Variants in MECOM observed in about 807,000 individuals in gnomAD.
The protein encoded by MECOM is histone-lysine N-methyltransferase MECOM.
A neutral mutation model predicts 116.3 loss-of-function variants in MECOM; 13 were observed. That is an observed-to-expected ratio of 0.11 (90% CI 0.07 to 0.18). The LOEUF is 0.18. Ranked by LOEUF, MECOM falls within the 10% of genes least tolerant of loss-of-function variation. MECOM has a pLI of 1.00. For missense variants in MECOM, 1,299 were observed against 1,509.0 expected (o/e 0.86, Z 2.31); for synonymous variants, 528 against 535.2 (o/e 0.99, Z 0.19).
intron 1 of MECOM, among the ~76,000 whole-genome samples, chr3:169,621,918 CA>C (rs1770783953): frequency 6.6e-6 from 1 of 152,082 alleles, no homozygotes; most frequent in South Asian, 2.1e-4. Context: ...AGAGGTAAGG[CA>C]AAACCCTATA....
chr3:169,355,488 A>G (rs1434304149), intron 2 of MECOM, among the ~76,000 whole-genome samples: 1 of 151,976 alleles, frequency 6.6e-6, no homozygotes, highest in Non-Finnish European at 1.5e-5. Flanking sequence ...TAAATAGATT[A>G]TAGACAACAG....
intron 2 of MECOM, among the ~76,000 whole-genome samples, chr3:169,341,811 A>G (rs947276769): frequency 6.6e-6 from 1 of 152,060 alleles, no homozygotes; most frequent in Admixed American, 6.6e-5. Flanking sequence ...AATGAACAAT[A>G]ACTTAATTAT....
chr3:169,663,474 GT>G lies in MECOM; in HGVS notation c.-103del, dbSNP rs1776593451. Reference sequence around the variant, plus strand: ...CTCTCGCTCCCTCCCTCTCTCTCCTGTCTCTCTCTCTCTCTCTCTCTCTCTC... The same window carrying G: ...CTCTCGCTCCCTCCCTCTCTCTCCTGCTCTCTCTCTCTCTCTCTCTCTCTC... On this transcript the variant is annotated 5_prime_UTR_variant, in exon 1 of 17. Coordinates refer to ENST00000651503, the MANE Select transcript of MECOM (RefSeq NM_004991.4). 10 of 569,408 alleles carry G rather than the reference GT, an allele frequency of 1.8e-5. No individual in the cohort carries two copies. The highest frequency in any genetic ancestry group is 6.2e-5 in the South Asian group (2 of 32,084). The allele number at this position is 569,408 out of a possible 1,614,324, so 35.3% of individuals were successfully genotyped here. A position where few individuals can be genotyped will look rare whatever the true frequency, so the allele number is the denominator to read the frequency against.
intron 1 of MECOM, among the ~76,000 whole-genome samples, chr3:169,596,649 C>G (rs1335398570): frequency 6.6e-6 from 1 of 151,994 alleles, no homozygotes; most frequent in Admixed American, 6.6e-5. Flanking sequence ...GCTCACCATA[C>G]AGCACAGTAA....
At chr3:169,122,542 G>A (rs1237893862) in intron 6 of MECOM, 38 bp downstream of exon 6, 2 of 1,611,774 alleles carry the variant, frequency 1.2e-6, no homozygotes, top group Non-Finnish European at 1.7e-6. Flanking sequence ...AGAGCAGGAT[G>A]ACATAGAGAG....
At chr3:169,648,958 G>A (rs1774519959) in intron 1 of MECOM, among the ~76,000 whole-genome samples, 1 of 152,196 alleles carries the variant, frequency 6.6e-6, no homozygotes, top group African/African-American at 2.4e-5. Context: ...ACTTGTTCTT[G>A]AACTGTGATG....
intron 1 of MECOM, among the ~76,000 whole-genome samples, chr3:169,542,446 C>T (rs777935344): frequency 6.6e-6 from 1 of 152,120 alleles, no homozygotes; most frequent in Non-Finnish European, 1.5e-5. Flanking sequence ...TTGGCTACAA[C>T]AGGGGACTCT....
chr3:169,598,834 G>A (rs1560478168), intron 1 of MECOM, among the ~76,000 whole-genome samples: 3 of 152,110 alleles, frequency 2.0e-5, no homozygotes, highest in Non-Finnish European at 4.4e-5. Flanking sequence ...TCCAAATGAG[G>A]CCAGAGTGAA....
intron 1 of MECOM, among the ~76,000 whole-genome samples, chr3:169,652,450 C>T (rs1775036368): frequency 6.6e-6 from 1 of 152,014 alleles, no homozygotes; most frequent in Non-Finnish European, 1.5e-5. Flanking sequence ...CCTAAGTGCA[C>T]AAGAAACCAT....
At chr3:169,096,280 T>G (rs146020206) in intron 12 of MECOM, among the ~76,000 whole-genome samples, 138 of 152,050 alleles carry the variant, frequency 9.1e-4, no homozygotes, top group African/African-American at 2.9e-3. Context: ...CTTTTTTTTT[T>G]TTGTTTTTTA....
At chr3:169,200,448 T>A (rs1353980233) in intron 2 of MECOM, among the ~76,000 whole-genome samples, 2 of 152,086 alleles carry the variant, frequency 1.3e-5, no homozygotes, top group African/African-American at 4.8e-5. Context: ...GGAGGTTTTT[T>A]AACAAGATCT....
rs1209569421 is a variant in MECOM at position 169,332,423 on chromosome 3, A to C, written c.375+48764T>G. Among the ~76,000 whole-genome samples the C allele has an allele frequency of 3.3e-5, 5 of 152,208 alleles. 1 individual carries two copies. The highest frequency in any genetic ancestry group is 7.3e-5 in the Non-Finnish European group (5 of 68,036). On this transcript the variant is annotated intron_variant, in intron 2 of 16. Coordinates refer to ENST00000651503, the MANE Select transcript of MECOM (RefSeq NM_004991.4). ...AAGCTTTGAACTGACAGGCAGGCCA[A>C]TGTAAATGAGCCAGAACGAGAGTCA...
rs757991512 is a variant in MECOM, at chr3:169,102,221, T to C, written c.2610A>G (p.Ser870=). ...GCTTTTCTGCCATGTTTTCAATAGC[T>C]GACATCTGAAAGGTAAAAGCACAAG... The part of the protein sequence containing the change: ...FQLPDQRTWM[S]AIENMAEKLE... Residue 870 remains serine (S), a synonymous_variant, in exon 11 of 17, where the codon TCA becomes TCG. Coordinates refer to ENST00000651503, the MANE Select transcript of MECOM (RefSeq NM_004991.4). 1 of 1,612,442 alleles carries C rather than the reference T, an allele frequency of 6.2e-7. No individual in the cohort carries two copies. Among genetic ancestry groups the C allele is most frequent in the Non-Finnish European group, 8.5e-7 (1 of 1,179,026 alleles).
intron 5 of MECOM, among the ~76,000 whole-genome samples, chr3:169,123,752 A>G (rs71306624): frequency 0.15 from 22,163 of 152,080 alleles, 2,176 homozygotes; most frequent in Non-Finnish European, 0.2. Context: ...CAAGCAATTT[A>G]TAGATAATAT....
chr3:169,219,631 C>T lies in MECOM; in HGVS notation c.376-75799G>A, dbSNP rs376012016. On this transcript the variant is annotated intron_variant, in intron 2 of 16. Coordinates refer to ENST00000651503, the MANE Select transcript of MECOM (RefSeq NM_004991.4). ...ATATATACACCACTATATATTTGAGCACACACATGTAGCTACATATGTAGG... is the reference window on the plus strand; with the variant it reads ...ATATATACACCACTATATATTTGAGTACACACATGTAGCTACATATGTAGG... Among the ~76,000 whole-genome samples, 7 of 152,188 alleles carry T rather than the reference C, an allele frequency of 4.6e-5. No homozygotes were observed. The East Asian group carries it at 1.2e-3, about 25-fold the overall frequency.
intron 2 of MECOM, among the ~76,000 whole-genome samples, chr3:169,337,653 A>G (rs1441266480): frequency 6.6e-6 from 1 of 152,176 alleles, no homozygotes; most frequent in Non-Finnish European, 1.5e-5. Context: ...GTCTTCTAGA[A>G]GCCCTCAAAA....
rs1252489054 is a variant in MECOM, at chr3:169,191,721, A to AAGAAAG, written c.376-47890_376-47889insCTTTCT. 2.1e-4 allele frequency among the ~76,000 whole-genome samples: 12 copies of AAGAAAG among 58,280 alleles called. 2 individuals are homozygous for AAGAAAG. Among genetic ancestry groups the AAGAAAG allele is most frequent in the African/African-American group, 6.7e-4 (12 of 17,886 alleles). 38.2% of individuals were successfully genotyped at this position (58,280 alleles called of 152,430 possible). A position where few individuals can be genotyped will look rare whatever the true frequency, so the allele number is the denominator to read the frequency against. On this transcript the variant is annotated intron_variant, in intron 2 of 16. Transcript: ENST00000651503. The stretch of plus-strand genomic sequence containing the variant: ...ATAGAAAAGAAAGAAAGAAAGAAAA[A>AAGAAAG]AAGAAAGAAAGAAAGAAAGAGAAAG...
At chr3:169,514,656 C>A (rs575101009) in intron 1 of MECOM, among the ~76,000 whole-genome samples, 1 of 152,170 alleles carries the variant, frequency 6.6e-6, no homozygotes, top group Non-Finnish European at 1.5e-5. Flanking sequence ...AAAAATGTCT[C>A]TTGCATGCGA....
chr3:169,404,398 AG>A (rs1736338280), intron 1 of MECOM, among the ~76,000 whole-genome samples: 1 of 152,226 alleles, frequency 6.6e-6, no homozygotes, highest in Non-Finnish European at 1.5e-5. Context: ...AAAACAATCC[AG>A]AGAGTTAAAA....
Sources: gnomAD v4.1 joint callset for allele counts (sites outside exome capture counted in the v4.1 genomes callset) on GRCh38, gnomAD v4.1.1 for gene constraint, MANE v1.5 for transcripts, NCBI Gene and HGNC (gene_info 2026-07-23, HGNC 2026-07-21) for gene names.